AGXT2: variants seen among roughly 807,000 people sequenced by gnomAD.
AGXT2 encodes the protein alanine--glyoxylate aminotransferase 2, mitochondrial.
A neutral mutation model predicts 62.5 loss-of-function variants in AGXT2; 61 were observed. The observed-to-expected ratio is 0.98, with a 90% CI of 0.79 to 1.21. The LOEUF is 1.21. AGXT2 is among the 50% of genes most tolerant of loss of function. The pLI, the probability that AGXT2 is intolerant of heterozygous loss-of-function variation, is 0.00. For synonymous variants in AGXT2, 243 were observed against 218.7 expected, an observed-to-expected ratio of 1.11 and a Z score of -0.98; for missense variants, 666 against 641.5, an observed-to-expected ratio of 1.04 and a Z score of -0.41.
At chr5:35,009,881 G>A in intron 12 of AGXT2, 119 bp downstream of exon 12, 2 of 1,396,208 alleles carry the variant, frequency 1.4e-6, no homozygotes, top group Non-Finnish European at 2.0e-6. Context: ...GGGCTTTGCT[G>A]AAATCTTGCT....
At chr5:35,015,849 C>CAAAAAAAAAAAAAAAAAAAAAAAA in intron 9 of AGXT2, among the ~76,000 whole-genome samples, 1 of 69,516 alleles carries the variant, frequency 1.4e-5, no homozygotes, top group Non-Finnish European at 2.5e-5. Context: ...GACTCCATCT[C>CAAAAAAAAAAAAAAAAAAAAAAAA]AAAAAAAAAA....
In AGXT2 at chr5:35,003,904, T is replaced by A. The variant is rs111266072; in HGVS notation, c.1339-43A>T. The A allele has an allele frequency of 5.9e-5, 93 of 1,584,144 alleles. 1 individual carries two copies. In the African/African-American group the frequency reaches 8.9e-4, roughly 15 times the overall value. On this transcript the variant is annotated intron_variant, in intron 12 of 13. Coordinates refer to ENST00000231420, the MANE Select transcript of AGXT2 (RefSeq NM_031900.4). ...AAATTCTTTCTATTTGGTGTTGGAA[T>A]GGTTAAAGGAATTATTTGCAAGAGA...
intron 9 of AGXT2, among the ~76,000 whole-genome samples, chr5:35,017,406 G>A (rs560341228): frequency 6.6e-6 from 1 of 152,306 alleles, no homozygotes; most frequent in East Asian, 1.9e-4. Context: ...CCCACGTGTT[G>A]TGGGAGGGAC....
intron 11 of AGXT2, 166 bp downstream of exon 11, chr5:35,012,788 A>G: frequency 1.4e-6 from 1 of 722,438 alleles, no homozygotes. Context: ...AGGTCTTTAA[A>G]AAGGGAGAAG....
At chr5:35,008,541 G>A (rs1001590746) in intron 12 of AGXT2, among the ~76,000 whole-genome samples, 2 of 152,278 alleles carry the variant, frequency 1.3e-5, no homozygotes, top group African/African-American at 2.4e-5. Context: ...ACTGAAATAC[G>A]TTATGACTTG....
In AGXT2 at chr5:35,036,519, G is replaced by A. The variant is rs146730897; in HGVS notation, c.486+423C>T. 2.0e-3 allele frequency among the ~76,000 whole-genome samples: 297 copies of A among 152,288 alleles called. 1 individual carries two copies. Among genetic ancestry groups the A allele is most frequent in the African/African-American group, 6.9e-3 (287 of 41,566 alleles). On this transcript the variant is annotated intron_variant, in intron 4 of 13. Transcript: ENST00000231420. ...AACCAAATGGCACTTATTAAAAATGGTTTCACTGTTTGTAAAAGAAATGCA... is the reference window on the plus strand; with the variant it reads ...AACCAAATGGCACTTATTAAAAATGATTTCACTGTTTGTAAAAGAAATGCA...
At chr5:35,032,251 C>CG (rs1194972205) in intron 7 of AGXT2, among the ~76,000 whole-genome samples, 1 of 151,702 alleles carries the variant, frequency 6.6e-6, no homozygotes, top group African/African-American at 2.4e-5. Flanking sequence ...CATGCCCCGC[C>CG]GGGCCTTGCT....
intron 13 of AGXT2, among the ~76,000 whole-genome samples, chr5:34,999,709 A>G (rs970599389): frequency 2.6e-5 from 4 of 152,024 alleles, no homozygotes; most frequent in African/African-American, 7.2e-5. Flanking sequence ...CTCTCCCTCT[A>G]TTTCATAGAC....
chr5:35,015,422 C>A (rs1462655372), intron 9 of AGXT2, among the ~76,000 whole-genome samples: 2 of 152,166 alleles, frequency 1.3e-5, no homozygotes, highest in Non-Finnish European at 2.9e-5. Context: ...GGTGAAGTCT[C>A]CTCGATTTCT....
Position 35,026,443 on chromosome 5 carries a change from C to T in AGXT2, c.837G>A (p.Lys279=). The T allele has an allele frequency of 6.2e-7, 1 of 1,614,130 alleles. No individual in the cohort carries two copies. The highest frequency in any genetic ancestry group is 8.5e-7 in the Non-Finnish European group (1 of 1,180,004). The part of the protein sequence containing the change: ...FKDTLSTSVA[K]SIAGFFAEPI... ...GTTCTGCGAAAAATCCAGCAATTGA[C>T]TTGGCCACAGATGTGCTCAGCGTAT... Residue 279 remains lysine, a synonymous_variant, in exon 8 of 14, where the codon AAG becomes AAA. Coordinates refer to ENST00000231420, the MANE Select transcript of AGXT2 (RefSeq NM_031900.4).
At chr5:35,026,021 C>G in intron 8 of AGXT2, 166 bp from the exon 9 acceptor site, 1 of 676,590 alleles carries the variant, frequency 1.5e-6, no homozygotes, top group South Asian at 1.6e-5. Flanking sequence ...GGACTTATTA[C>G]TCTATACCAT....
At chr5:35,013,280 T>A (rs541060681) in intron 10 of AGXT2, among the ~76,000 whole-genome samples, 2 of 152,298 alleles carry the variant, frequency 1.3e-5, no homozygotes, top group South Asian at 4.1e-4. Context: ...AAGTAGGTAA[T>A]TAGGTTAAAT....
At chr5:35,016,463 TA>T (rs1434435059) in intron 9 of AGXT2, among the ~76,000 whole-genome samples, 1 of 152,136 alleles carries the variant, frequency 6.6e-6, no homozygotes, top group African/African-American at 2.4e-5. Flanking sequence ...AACATTACAT[TA>T]AAAATTTATA....
chr5:35,001,374 CT>C (rs5867261), intron 13 of AGXT2, among the ~76,000 whole-genome samples: 13,778 of 152,222 alleles, frequency 0.091, 800 homozygotes, highest in Middle Eastern at 0.15. Flanking sequence ...ACTACCACAG[CT>C]CAGGTTCAAA....
At chr5:35,005,081 C>T (rs913995955) in intron 12 of AGXT2, among the ~76,000 whole-genome samples, 3 of 152,150 alleles carry the variant, frequency 2.0e-5, no homozygotes, top group African/African-American at 4.8e-5. Context: ...ATTCCACTTA[C>T]GACTGATTGG....
intron 3 of AGXT2, among the ~76,000 whole-genome samples, chr5:35,038,088 A>G (rs1433077905): frequency 6.6e-6 from 1 of 152,246 alleles, no homozygotes; most frequent in Non-Finnish European, 1.5e-5. Context: ...TAGTACCTAT[A>G]ATAGACTAGT....
intron 12 of AGXT2, 64 bp downstream of exon 12, chr5:35,009,935 AT>A (rs1200383028): frequency 6.2e-7 from 1 of 1,604,606 alleles, no homozygotes; most frequent in African/African-American, 1.3e-5. Flanking sequence ...AGTTTAGCTG[AT>A]GTTTCCTCCT....
rs778291716 is a variant in AGXT2 at position 34,998,767 on chromosome 5, T to C, written c.1497A>G (p.Glu499=). The change falls in exon 14 of 14, where the codon GAA becomes GAG. Residue 499 remains glutamate (E), a synonymous_variant. Coordinates refer to ENST00000231420, the MANE Select transcript of AGXT2 (RefSeq NM_031900.4). ...GTTGGGTTAAGGCAGAACGAAATAC[T>C]TCTACTGCAAAATCAACTTCTGGTT... The part of the protein sequence containing the change: ...ITKPEVDFAV[E]VFRSALTQHM... The C allele has an allele frequency of 6.2e-6, 10 of 1,613,970 alleles. No homozygotes were observed. Among genetic ancestry groups the C allele is most frequent in the Non-Finnish European group, 8.5e-6 (10 of 1,180,022 alleles).
chr5:35,010,583 G>A (rs2112189845), intron 11 of AGXT2, among the ~76,000 whole-genome samples: 1 of 152,292 alleles, frequency 6.6e-6, no homozygotes, highest in Non-Finnish European at 1.5e-5. Flanking sequence ...TATTCGGGAG[G>A]CTGAGGCAGG....
Sources: allele counts gnomAD v4.1 joint callset (sites outside exome capture counted in the v4.1 genomes callset), GRCh38; gene constraint gnomAD v4.1.1; transcripts MANE v1.5; gene names NCBI Gene and HGNC (gene_info 2026-07-23, HGNC 2026-07-21).